The following TSPAN9 variants were observed in gnomAD, a reference collection of about 807,000 sequenced individuals.
The protein encoded by TSPAN9 is tetraspanin 9.
In TSPAN9, 16 loss-of-function variants were observed where a neutral mutation model predicts 31.0. The observed-to-expected ratio is 0.52, with a 90% CI of 0.35 to 0.78. The LOEUF is 0.78. Among genes scored for constraint, TSPAN9 ranks in the 30% least tolerant of loss-of-function variants. The probability of loss-of-function intolerance (pLI) is 0.01; values close to 1 mark genes in which losing one functional copy is unlikely to be tolerated. For missense variants in TSPAN9, 272 were observed against 312.5 expected (o/e 0.87, Z 0.98); for synonymous variants, 145 against 121.6 (o/e 1.19, Z -1.27).
At chr12:3,128,206 T>C (rs191091843) in intron 2 of TSPAN9, among the ~76,000 whole-genome samples, 36 of 152,268 alleles carry the variant, frequency 2.4e-4, no homozygotes, top group African/African-American at 8.2e-4. Flanking sequence ...TCTCAAGTTG[T>C]TTGGGGTGGC....
In TSPAN9 at chr12:3,279,073, C is replaced by G; in HGVS notation, c.330+7C>G. ...CTTTGTCTACATGGACAAGGTAAGC[C>G]TTACCAGATGGGAGGGGGCATATGG... is the stretch of plus-strand genomic sequence containing the variant. On this transcript the variant is annotated splice_region_variant and intron_variant, in intron 5 of 8. Coordinates refer to ENST00000011898, the MANE Select transcript of TSPAN9 (RefSeq NM_006675.5). 1 of 1,613,444 alleles carries G rather than the reference C, an allele frequency of 6.2e-7. No individual in the cohort carries two copies. Among genetic ancestry groups the G allele is most frequent in the Non-Finnish European group, 8.5e-7 (1 of 1,179,416 alleles).
At chr12:3,173,088 C>T (rs994431435) in intron 2 of TSPAN9, 1 of 152,404 alleles carries the variant, frequency 6.6e-6, no homozygotes, top group Non-Finnish European at 1.5e-5. Context: ...CCAAGCTGTC[C>T]TTTGCTGTCC....
At chr12:3,239,561 C>T (rs570035100) in intron 3 of TSPAN9, among the ~76,000 whole-genome samples, 5 of 152,350 alleles carry the variant, frequency 3.3e-5, no homozygotes, top group East Asian at 1.9e-4. Flanking sequence ...TCCCAGCAAA[C>T]GAGGTCAGAG....
intron 3 of TSPAN9, among the ~76,000 whole-genome samples, chr12:3,276,443 C>T (rs1010203255): frequency 2.6e-5 from 4 of 152,214 alleles, no homozygotes; most frequent in Admixed American, 6.5e-5. Flanking sequence ...TTGTAGCACA[C>T]GGCCAGCGTG....
chr12:3,126,860 G>C (rs1311121787), intron 2 of TSPAN9, among the ~76,000 whole-genome samples: 1 of 152,150 alleles, frequency 6.6e-6, no homozygotes, highest in Admixed American at 6.5e-5. Flanking sequence ...TCCAGCTTGG[G>C]CACCTGAGTG....
At chr12:3,113,596 G>C (rs2098320372) in intron 2 of TSPAN9, among the ~76,000 whole-genome samples, 1 of 152,090 alleles carries the variant, frequency 6.6e-6, no homozygotes, top group Non-Finnish European at 1.5e-5. Context: ...TATCATCTTA[G>C]GCTGCCTGGT....
chr12:3,200,805 G>T (rs2098371106), intron 2 of TSPAN9: 1 of 202,916 alleles, frequency 4.9e-6, no homozygotes. Context: ...TGCAGAGAGG[G>T]GGCGTGCAAG....
Position 3,168,373 on chromosome 12 carries a change from C to T in TSPAN9, c.-17-32804C>T, listed in dbSNP as rs778602025. 6.6e-5 allele frequency among the ~76,000 whole-genome samples: 10 copies of T among 152,170 alleles called. No individual in the cohort carries two copies. The highest frequency in any genetic ancestry group is 1.5e-4 in the Non-Finnish European group (10 of 68,050). On this transcript the variant is annotated intron_variant, in intron 2 of 8. Coordinates refer to ENST00000011898, the MANE Select transcript of TSPAN9 (RefSeq NM_006675.5). This position sits in a 1 kb window ranked among gnomAD's most constrained non-coding sequence, Gnocchi z 4.0. ...AGAGGGGAGCCAAAATCTGTGCCTT[C>T]GCAATATGTTCCGGGTGCTGTAGGG...
chr12:3,277,718 CTGTTGGGG>C (rs1415418373), intron 3 of TSPAN9, among the ~76,000 whole-genome samples: 1 of 152,164 alleles, frequency 6.6e-6, no homozygotes, highest in East Asian at 1.9e-4. Flanking sequence ...CCCAGGGGTG[CTGTTGGGG>C]AGAGTTGCTT....
At chr12:3,100,409 C>G (rs964863398) in intron 2 of TSPAN9, among the ~76,000 whole-genome samples, 5 of 152,226 alleles carry the variant, frequency 3.3e-5, no homozygotes, top group African/African-American at 1.2e-4. Flanking sequence ...GGTGAGACCT[C>G]TGGACTCCAT....
chr12:3,184,685 C>T (rs1214911147), intron 2 of TSPAN9, among the ~76,000 whole-genome samples: 5 of 151,712 alleles, frequency 3.3e-5, no homozygotes, highest in East Asian at 2.0e-4. Context: ...CCGGGAGCCC[C>T]GGGCATGTGT....
intron 3 of TSPAN9, among the ~76,000 whole-genome samples, chr12:3,237,538 A>G (rs1408363516): frequency 6.6e-6 from 1 of 152,154 alleles, no homozygotes; most frequent in African/African-American, 2.4e-5. Context: ...GGACAGCCAG[A>G]GCCTCTGCAG....
rs2098362062 is a variant in TSPAN9 at position 3,187,593 on chromosome 12, CTT to C, written c.-17-13581_-17-13580del. Among the ~76,000 whole-genome samples, 1 of 152,186 alleles carries C rather than the reference CTT, an allele frequency of 6.6e-6. No homozygotes were observed. Among genetic ancestry groups the C allele is most frequent in the Non-Finnish European group, 1.5e-5 (1 of 68,040 alleles). On this transcript the variant is annotated intron_variant, in intron 2 of 8. Transcript: ENST00000011898. This position sits in a 1 kb window ranked among gnomAD's most constrained non-coding sequence, Gnocchi z 5.2. The stretch of plus-strand genomic sequence containing the variant: ...TCCCCTCTTTGGCCCTTTGTTCCCT[CTT>C]TTACAAACGGAGACAACTTCCCTGC...
At chr12:3,282,934 T>C in intron 8 of TSPAN9, 111 bp from the exon 9 acceptor site, 1 of 1,005,868 alleles carries the variant, frequency 9.9e-7, no homozygotes, top group Middle Eastern at 2.0e-4. Context: ...GGCACACCAG[T>C]GGCCATCCCC....
intron 2 of TSPAN9, among the ~76,000 whole-genome samples, chr12:3,091,480 C>G (rs1409156617): frequency 6.6e-6 from 1 of 152,248 alleles, no homozygotes; most frequent in Non-Finnish European, 1.5e-5. Flanking sequence ...AATGCATCCC[C>G]AAACCCCAGC....
Position 3,187,231 on chromosome 12 carries a change from G to A in TSPAN9, c.-17-13946G>A, listed in dbSNP as rs1169104606. Reference sequence around the variant, plus strand: ...GGGGACACTGGATGAGGGTGATGAAGGTTGGGGTTGGCGGGGCAGTGGTGT... The same window carrying A: ...GGGGACACTGGATGAGGGTGATGAAAGTTGGGGTTGGCGGGGCAGTGGTGT... On this transcript the variant is annotated intron_variant, in intron 2 of 8. Coordinates refer to ENST00000011898, the MANE Select transcript of TSPAN9 (RefSeq NM_006675.5). The surrounding 1 kb of genome is among the most constrained non-coding windows in gnomAD (Gnocchi z 5.2). Among the ~76,000 whole-genome samples the A allele has an allele frequency of 2.0e-5, 3 of 152,230 alleles. No individual in the cohort carries two copies. The highest frequency in any genetic ancestry group is 7.2e-5 in the African/African-American group (3 of 41,456).
intron 3 of TSPAN9, among the ~76,000 whole-genome samples, chr12:3,274,760 C>T (rs573266357): frequency 8.5e-5 from 13 of 152,254 alleles, no homozygotes; most frequent in East Asian, 1.9e-4. Context: ...GAGCTCATCT[C>T]GGCAGGAGCC....
intron 2 of TSPAN9, among the ~76,000 whole-genome samples, chr12:3,176,005 C>T (rs2153970738): frequency 6.6e-6 from 1 of 152,340 alleles, no homozygotes; most frequent in Non-Finnish European, 1.5e-5. Context: ...CCCATCCAAG[C>T]TCTCAGAGGG....
chr12:3,204,706 A>C (rs971529367), intron 3 of TSPAN9, among the ~76,000 whole-genome samples: 1 of 151,628 alleles, frequency 6.6e-6, no homozygotes, highest in Non-Finnish European at 1.5e-5. Context: ...CCCTGCCCCG[A>C]CTCTCAGGGC....
Sources: gnomAD v4.1 joint callset for allele counts (sites outside exome capture counted in the v4.1 genomes callset) on GRCh38, gnomAD v4.1.1 for gene constraint, Gnocchi (gnomAD v3.1) non-coding constraint, MANE v1.5 for transcripts, NCBI Gene and HGNC (gene_info 2026-07-23, HGNC 2026-07-21) for gene names.